Variants in SLC60A1 observed in about 807,000 individuals in gnomAD.
SLC60A1 encodes the protein solute carrier family 60 member 1.
chr1:205,598,997 T>A, the SLC60A1 span: 1 of 1,188,980 alleles, frequency 8.4e-7, no homozygotes, highest in African/African-American at 1.5e-5. Context: ...CTCCTCCCCG[T>A]GATTCCATCT....
the SLC60A1 span, among the ~76,000 whole-genome samples, chr1:205,574,547 A>C: frequency 6.6e-6 from 1 of 152,192 alleles, no homozygotes; most frequent in Non-Finnish European, 1.5e-5. Context: ...TACAACAGAC[A>C]AAGTAAAAGT....
At chr1:205,573,489 TACTG>T in the SLC60A1 span, among the ~76,000 whole-genome samples, 1 of 151,990 alleles carries the variant, frequency 6.6e-6, no homozygotes, top group Non-Finnish European at 1.5e-5. Flanking sequence ...AGGAATGAGA[TACTG>T]ACACATGCTA....
chr1:205,585,387 A>G, the SLC60A1 span, among the ~76,000 whole-genome samples: 9 of 152,298 alleles, frequency 5.9e-5, no homozygotes, highest in African/African-American at 2.2e-4. This position sits in a 1 kb window ranked among gnomAD's most constrained non-coding sequence, Gnocchi z 4.2. Flanking sequence ...GTCTCGAGCC[A>G]GTGTTGTAAA....
At chr1:205,580,813 C>T in the SLC60A1 span, 2 of 1,614,192 alleles carry the variant, frequency 1.2e-6, no homozygotes, top group South Asian at 2.2e-5. The surrounding 1 kb of genome is among the most constrained non-coding windows in gnomAD (Gnocchi z 5.0). Context: ...TGGGCCAGCA[C>T]CACGTAGATG....
At chr1:205,589,067 C>G in the SLC60A1 span, among the ~76,000 whole-genome samples, 1 of 152,232 alleles carries the variant, frequency 6.6e-6, no homozygotes, top group Non-Finnish European at 1.5e-5. Flanking sequence ...TTTCAAACTT[C>G]CCCAAATTTA....
At chr1:205,588,486 A>AAC in the SLC60A1 span, among the ~76,000 whole-genome samples, 1 of 150,654 alleles carries the variant, frequency 6.6e-6, no homozygotes, top group Non-Finnish European at 1.5e-5. Flanking sequence ...AAAAAAAAAA[A>AAC]AAAAGAAAGA....
the SLC60A1 span, among the ~76,000 whole-genome samples, chr1:205,594,219 G>T: frequency 6.6e-6 from 1 of 152,202 alleles, no homozygotes; most frequent in African/African-American, 2.4e-5. Flanking sequence ...ATGGGCGAGG[G>T]CCCAGGAGCC....
chr1:205,578,050 C>T, the SLC60A1 span, among the ~76,000 whole-genome samples: 1 of 152,370 alleles, frequency 6.6e-6, no homozygotes, highest in Non-Finnish European at 1.5e-5. Flanking sequence ...CCCCTCAGGA[C>T]TTTGCTGCAG....
At chr1:205,592,673 A>C in the SLC60A1 span, among the ~76,000 whole-genome samples, 5 of 152,054 alleles carry the variant, frequency 3.3e-5, no homozygotes, top group Admixed American at 2.6e-4. Context: ...GAGCAGGCCC[A>C]CAGCCGGGGT....
At chr1:205,585,876 G>A in the SLC60A1 span, among the ~76,000 whole-genome samples, 2 of 152,184 alleles carry the variant, frequency 1.3e-5, no homozygotes, top group African/African-American at 4.8e-5. This position sits in a 1 kb window ranked among gnomAD's most constrained non-coding sequence, Gnocchi z 4.2. Flanking sequence ...GTGTAGTGTG[G>A]CCTTGACTCC....
the SLC60A1 span, among the ~76,000 whole-genome samples, chr1:205,595,475 T>C: frequency 6.6e-6 from 1 of 152,158 alleles, no homozygotes; most frequent in African/African-American, 2.4e-5. Context: ...ACGTTGCCCC[T>C]GTCTCTCATG....
the SLC60A1 span, chr1:205,600,534 T>C: frequency 3.3e-6 from 5 of 1,499,012 alleles, no homozygotes; most frequent in Non-Finnish European, 4.6e-6. Flanking sequence ...TTCAGAAAGC[T>C]GGGTGGTGGT....
At chr1:205,585,581 G>C in the SLC60A1 span, among the ~76,000 whole-genome samples, 1 of 152,216 alleles carries the variant, frequency 6.6e-6, no homozygotes, top group Non-Finnish European at 1.5e-5. This position sits in a 1 kb window ranked among gnomAD's most constrained non-coding sequence, Gnocchi z 4.2. Context: ...TGACCTGGTG[G>C]AAAGTACTCG....
At chr1:205,573,377 C>T in the SLC60A1 span, among the ~76,000 whole-genome samples, 1 of 151,986 alleles carries the variant, frequency 6.6e-6, no homozygotes, top group Non-Finnish European at 1.5e-5. Flanking sequence ...CGAGATTGTG[C>T]CATTGCACTC....
At chr1:205,581,006 C>A in the SLC60A1 span, 1 of 1,503,558 alleles carries the variant, frequency 6.7e-7, no homozygotes, top group Non-Finnish European at 8.9e-7. The surrounding 1 kb of genome is among the most constrained non-coding windows in gnomAD (Gnocchi z 4.2). Context: ...GAAGATTCTT[C>A]AGATGCTGAG....
the SLC60A1 span, among the ~76,000 whole-genome samples, chr1:205,591,483 C>CAAAAA: frequency 1.4e-3 from 119 of 86,906 alleles, 1 homozygote; most frequent in African/African-American, 4.2e-3. Context: ...CCCTGTCTCT[C>CAAAAA]AAAAAAAAAA....
chr1:205,586,348 A>AGAGGATGAC, the SLC60A1 span: 18 of 1,090,148 alleles, frequency 1.7e-5, no homozygotes, highest in East Asian at 3.9e-4. Flanking sequence ...GAGAGGAGAG[A>AGAGGATGAC]GAGGATGACG....
At chr1:205,585,119 C>A in the SLC60A1 span, 1 of 725,200 alleles carries the variant, frequency 1.4e-6, no homozygotes, top group Non-Finnish European at 2.3e-6. This position sits in a 1 kb window ranked among gnomAD's most constrained non-coding sequence, Gnocchi z 4.2. Flanking sequence ...ACACTTGATT[C>A]AAAAATTTAA....
the SLC60A1 span, chr1:205,569,014 G>T: frequency 8.3e-7 from 1 of 1,203,382 alleles, no homozygotes. Flanking sequence ...TCCCGCGGGC[G>T]GCACTCGGGC....
Sources: gnomAD v4.1 joint callset for allele counts (sites outside exome capture counted in the v4.1 genomes callset) on GRCh38, gnomAD v4.1.1 for gene constraint, Gnocchi (gnomAD v3.1) non-coding constraint, MANE v1.5 for transcripts, NCBI Gene and HGNC (gene_info 2026-07-23, HGNC 2026-07-21) for gene names.